RMST: variants seen among roughly 807,000 people sequenced by gnomAD.
The protein encoded by RMST is long intergenic non-protein coding RNA 54.
chr12:97,483,816 A>G (rs1318500545), intron 5 of RMST, among the ~76,000 whole-genome samples: 1 of 152,178 alleles, frequency 6.6e-6, no homozygotes, highest in African/African-American at 2.4e-5. Context: ...CTATGTGTGT[A>G]TGTAAAGCCC....
At chr12:97,547,245 A>G (rs909083922) in intron 11 of RMST, among the ~76,000 whole-genome samples, 4 of 151,048 alleles carry the variant, frequency 2.6e-5, no homozygotes, top group Non-Finnish European at 5.9e-5. Context: ...TAACATCTAC[A>G]CTATGTATGC....
chr12:97,495,712 T>C (rs1454900109), intron 9 of RMST, among the ~76,000 whole-genome samples: 1 of 152,164 alleles, frequency 6.6e-6, no homozygotes, highest in Admixed American at 6.6e-5. Flanking sequence ...ATCTACTAGA[T>C]AATTCGTGAT....
intron 10 of RMST, among the ~76,000 whole-genome samples, chr12:97,519,105 T>C (rs1880247031): frequency 6.6e-6 from 1 of 152,202 alleles, no homozygotes; most frequent in Non-Finnish European, 1.5e-5. Flanking sequence ...TGAAGAATTC[T>C]ATATCTTTAT....
intron 10 of RMST, among the ~76,000 whole-genome samples, chr12:97,520,493 G>A (rs1880401864): frequency 6.6e-6 from 1 of 151,926 alleles, no homozygotes; most frequent in African/African-American, 2.4e-5. Flanking sequence ...TTATTTTAGT[G>A]GGTGCTCCTA....
rs528148179 is a variant in RMST at position 97,530,999 on chromosome 12, C to A, written n.1545+140C>A. The stretch of plus-strand genomic sequence containing the variant: ...GCTTTTCGGGCATTTATAGCATATT[C>A]TCTGAAAGCTTTTTTTTTTTTTTCC... On this transcript the variant is annotated intron_variant and non_coding_transcript_variant, in intron 11 of 13. Transcript: ENST00000640149. The A allele has an allele frequency of 3.1e-3, 335 of 109,430 alleles. 2 individuals are homozygous for A. The highest frequency in any genetic ancestry group is 9.9e-3 in the African/African-American group (323 of 32,526). The allele number at this position is 109,430 out of a possible 1,614,324, so 6.8% of individuals were successfully genotyped here.
intron 7 of RMST, among the ~76,000 whole-genome samples, chr12:97,493,588 A>G (rs1329922579): frequency 6.6e-6 from 1 of 152,140 alleles, no homozygotes; most frequent in Non-Finnish European, 1.5e-5. Flanking sequence ...CACGTGGAAT[A>G]CTTGCATTAT....
chr12:97,490,874 A>G (rs558536889), intron 5 of RMST, among the ~76,000 whole-genome samples: 36 of 152,362 alleles, frequency 2.4e-4, no homozygotes, highest in African/African-American at 8.4e-4. Context: ...AAATTGCACA[A>G]CTATCAAACT....
intron 5 of RMST, among the ~76,000 whole-genome samples, chr12:97,483,125 T>G (rs1389103169): frequency 6.6e-6 from 1 of 152,248 alleles, no homozygotes; most frequent in Non-Finnish European, 1.5e-5. Flanking sequence ...GAATTTTTAG[T>G]TTCTTGGCCC....
intron 10 of RMST, among the ~76,000 whole-genome samples, chr12:97,504,677 A>G (rs1878474318): frequency 6.6e-6 from 1 of 152,202 alleles, no homozygotes; most frequent in African/African-American, 2.4e-5. Flanking sequence ...TGTGAACATG[A>G]AGAAAAAAGG....
At chr12:97,524,101 A>AAAAAAAAAAAAAAC (rs1254415362) in intron 10 of RMST, among the ~76,000 whole-genome samples, 1 of 149,184 alleles carries the variant, frequency 6.7e-6, no homozygotes, top group African/African-American at 2.5e-5. Context: ...AAAAAAAAAA[A>AAAAAAAAAAAAAAC]AATCACATAA....
At chr12:97,479,069 C>T (rs1451897325) in intron 5 of RMST, among the ~76,000 whole-genome samples, 5 of 151,518 alleles carry the variant, frequency 3.3e-5, no homozygotes, top group Admixed American at 6.6e-5. Context: ...GATCGCTCTC[C>T]TCATCTCATT....
At chr12:97,497,792 T>C (rs1349266153) in intron 10 of RMST, among the ~76,000 whole-genome samples, 1 of 152,048 alleles carries the variant, frequency 6.6e-6, no homozygotes, top group Non-Finnish European at 1.5e-5. Context: ...TAGAGCATAA[T>C]TGTCATGGTG....
intron 11 of RMST, among the ~76,000 whole-genome samples, chr12:97,559,508 G>A (rs1028973454): frequency 6.6e-6 from 1 of 151,546 alleles, no homozygotes; most frequent in African/African-American, 2.4e-5. Flanking sequence ...CCCTCCCCTT[G>A]GCAAGGCAAT....
At chr12:97,495,178 G>GGC in intron 9 of RMST, among the ~76,000 whole-genome samples, 1 of 150,930 alleles carries the variant, frequency 6.6e-6, no homozygotes, top group African/African-American at 2.4e-5. Flanking sequence ...TATTCTTATG[G>GGC]GGGGGGAGCC....
chr12:97,489,915 A>G (rs1164630758), intron 5 of RMST, among the ~76,000 whole-genome samples: 1 of 152,224 alleles, frequency 6.6e-6, no homozygotes, highest in Non-Finnish European at 1.5e-5. Flanking sequence ...TCATAAGGAA[A>G]TAAAACAACT....
At chr12:97,493,457 A>G (rs558493074) in intron 7 of RMST, among the ~76,000 whole-genome samples, 174 of 152,262 alleles carry the variant, frequency 1.1e-3, no homozygotes, top group Non-Finnish European at 2.1e-3. Context: ...CAACATATAC[A>G]TTTCTCTTAT....
chr12:97,530,730 C>A (rs767193991), exon 11 of RMST: 1 of 152,012 alleles, frequency 6.6e-6, no homozygotes, highest in African/African-American at 2.4e-5. Flanking sequence ...AAAGTTTAAT[C>A]GAAAAATTTG....
chr12:97,486,580 G>A (rs1876143059), intron 5 of RMST, among the ~76,000 whole-genome samples: 1 of 152,146 alleles, frequency 6.6e-6, no homozygotes, highest in South Asian at 2.1e-4. Context: ...TGATAACAAA[G>A]CAATACTACA....
chr12:97,483,988 C>T (rs891123520), intron 5 of RMST, among the ~76,000 whole-genome samples: 2 of 152,124 alleles, frequency 1.3e-5, no homozygotes, highest in Non-Finnish European at 2.9e-5. Flanking sequence ...CTTCTTTAAG[C>T]ACTATGGACT....
Sources: allele counts gnomAD v4.1 joint callset (sites outside exome capture counted in the v4.1 genomes callset), GRCh38; gene constraint gnomAD v4.1.1; transcripts MANE v1.5; gene names NCBI Gene and HGNC (gene_info 2026-07-23, HGNC 2026-07-21).